NPNT: variants seen among roughly 807,000 people sequenced by gnomAD.
NPNT encodes preosteoblast EGF-like repeat protein with MAM domain.
In NPNT, 45 loss-of-function variants were observed where a neutral mutation model predicts 68.6. The ratio of observed to expected loss-of-function variants is 0.66; its 90% CI spans 0.52 to 0.84. The LOEUF is 0.84. Among genes scored for constraint, NPNT ranks in the 40% least tolerant of loss-of-function variants. NPNT has a pLI of 0.00. For synonymous variants in NPNT, 233 were observed against 253.3 expected (o/e 0.92, Z 0.76); for missense variants, 672 against 714.8 (o/e 0.94, Z 0.68).
intron 8 of NPNT, among the ~76,000 whole-genome samples, chr4:105,950,139 G>T (rs1321565480): frequency 6.6e-6 from 1 of 152,042 alleles, no homozygotes; most frequent in Non-Finnish European, 1.5e-5. Flanking sequence ...TTCATTGAAG[G>T]TTTTATTAAC....
chr4:105,904,797 A>G (rs573022403), intron 2 of NPNT, among the ~76,000 whole-genome samples: 95 of 151,228 alleles, frequency 6.3e-4, no homozygotes, highest in African/African-American at 2.1e-3. Context: ...ATTCTGCCTC[A>G]CTCTCTCTCG....
At chr4:105,933,185 A>G (rs899377324) in intron 3 of NPNT, among the ~76,000 whole-genome samples, 2 of 152,202 alleles carry the variant, frequency 1.3e-5, no homozygotes, top group Non-Finnish European at 2.9e-5. Context: ...TGGTTCCAAG[A>G]GAGCACTTAG....
intron 2 of NPNT, among the ~76,000 whole-genome samples, chr4:105,898,371 T>TCG (rs1726116992): frequency 7.8e-6 from 1 of 128,116 alleles, no homozygotes; most frequent in East Asian, 2.0e-4. Context: ...TCTCTCTCTC[T>TCG]CTCTCTCTCG....
chr4:105,936,874 C>G (rs1578640290), intron 3 of NPNT, 135 bp from the exon 4 acceptor site: 2 of 841,118 alleles, frequency 2.4e-6, no homozygotes, highest in East Asian at 5.6e-5. Context: ...CAGGATCTAT[C>G]TCTTATGTAA....
chr4:105,964,867 A>G (rs2149410730), intron 10 of NPNT, among the ~76,000 whole-genome samples: 1 of 152,370 alleles, frequency 6.6e-6, no homozygotes, highest in East Asian at 1.9e-4. Context: ...TTATTGGCAT[A>G]CTTGCAGCAA....
intron 8 of NPNT, among the ~76,000 whole-genome samples, chr4:105,952,658 T>C (rs990372934): frequency 1.3e-5 from 2 of 152,234 alleles, no homozygotes; most frequent in African/African-American, 4.8e-5. Context: ...TTCTATGTTA[T>C]TTTAGTTCAG....
chr4:105,933,931 G>A (rs905078167), intron 3 of NPNT, among the ~76,000 whole-genome samples: 9 of 152,038 alleles, frequency 5.9e-5, no homozygotes, highest in Admixed American at 5.9e-4. Flanking sequence ...GTGGTTTATT[G>A]TAAAGTTCTA....
chr4:105,962,311 C>T (rs1175473112), intron 10 of NPNT, among the ~76,000 whole-genome samples: 2 of 152,230 alleles, frequency 1.3e-5, no homozygotes, highest in Admixed American at 1.3e-4. Flanking sequence ...GCAAAGGAAC[C>T]ATAACGTTTA....
chr4:105,918,941 G>A (rs1728028582), intron 2 of NPNT, among the ~76,000 whole-genome samples: 1 of 152,074 alleles, frequency 6.6e-6, no homozygotes, highest in Non-Finnish European at 1.5e-5. Flanking sequence ...AATAAAAAAT[G>A]GCAATGAGAG....
At chr4:105,934,504 C>A (rs962028001) in intron 3 of NPNT, among the ~76,000 whole-genome samples, 6 of 152,136 alleles carry the variant, frequency 3.9e-5, no homozygotes, top group African/African-American at 1.4e-4. Context: ...TCATAAGGGT[C>A]ATTGTGAAGT....
intron 5 of NPNT, among the ~76,000 whole-genome samples, chr4:105,939,762 A>T (rs540509747): frequency 6.6e-6 from 1 of 152,276 alleles, no homozygotes; most frequent in East Asian, 1.9e-4. Flanking sequence ...ACTTGATGAT[A>T]TGGGAGTTAA....
At chr4:105,937,265 G>A in intron 4 of NPNT, 137 bp downstream of exon 4, 1 of 774,378 alleles carries the variant, frequency 1.3e-6, no homozygotes, top group Non-Finnish European at 2.0e-6. Context: ...TTTGCCTGAG[G>A]AATTGAAAAT....
intron 3 of NPNT, among the ~76,000 whole-genome samples, chr4:105,935,944 A>G (rs375362486): frequency 6.6e-6 from 1 of 152,216 alleles, no homozygotes; most frequent in Non-Finnish European, 1.5e-5. Context: ...TTTTTATTCA[A>G]TGACATGGAT....
chr4:105,930,494 T>G (rs1459924221), intron 3 of NPNT, among the ~76,000 whole-genome samples: 1 of 152,212 alleles, frequency 6.6e-6, no homozygotes, highest in Non-Finnish European at 1.5e-5. Flanking sequence ...AAATTGTTGA[T>G]AGTGCCTACA....
chr4:105,916,294 A>ACTGCAGCCTCTGCCAG (rs1727813424), intron 2 of NPNT, among the ~76,000 whole-genome samples: 1 of 151,768 alleles, frequency 6.6e-6, no homozygotes, highest in Non-Finnish European at 1.5e-5. Flanking sequence ...AGCTCTGCTC[A>ACTGCAGCCTCTGCCAG]CTGCAGCCTC....
At position 105,962,345 on chromosome 4, in the gene NPNT, A is replaced by G. The variant is rs115334775; in HGVS notation, c.1345+3219A>G. 3.1e-3 allele frequency among the ~76,000 whole-genome samples: 479 copies of G among 152,324 alleles called. 2 individuals are homozygous for G. The highest frequency in any genetic ancestry group is 0.011 in the African/African-American group (447 of 41,578). On this transcript the variant is annotated intron_variant, in intron 10 of 11. Coordinates refer to ENST00000379987, the MANE Select transcript of NPNT (RefSeq NM_001033047.3). ...TAGCCTGGAGAAGAAATGATGCATCAGGGTTCCTTTTCAAATAATTGACTA... is the reference window on the plus strand; with the variant it reads ...TAGCCTGGAGAAGAAATGATGCATCGGGGTTCCTTTTCAAATAATTGACTA...
At chr4:105,941,927 TA>T (rs1472849510) in intron 7 of NPNT, among the ~76,000 whole-genome samples, 2 of 152,082 alleles carry the variant, frequency 1.3e-5, no homozygotes, top group South Asian at 4.1e-4. Flanking sequence ...TTTCTTATAT[TA>T]AAAAAACTTA....
At chr4:105,914,427 A>G (rs1426284842) in intron 2 of NPNT, among the ~76,000 whole-genome samples, 2 of 138,938 alleles carry the variant, frequency 1.4e-5, no homozygotes, top group Admixed American at 1.5e-4. Flanking sequence ...TATAATATAT[A>G]TATTATATAA....
intron 8 of NPNT, among the ~76,000 whole-genome samples, chr4:105,946,314 C>T (rs1730380912): frequency 1.3e-5 from 2 of 152,076 alleles, no homozygotes; most frequent in Admixed American, 1.3e-4. Flanking sequence ...TAATATGGGG[C>T]TTAAAAATTT....
Sources: allele counts gnomAD v4.1 joint callset (sites outside exome capture counted in the v4.1 genomes callset), GRCh38; gene constraint gnomAD v4.1.1; transcripts MANE v1.5; gene names NCBI Gene and HGNC (gene_info 2026-07-23, HGNC 2026-07-21).